NUDT4: variants seen among roughly 807,000 people sequenced by gnomAD.
The protein encoded by NUDT4 is diphosphoinositol polyphosphate phosphohydrolase 2.
Under a neutral mutation model 23.1 loss-of-function variants are expected in NUDT4, and 5 were observed. The ratio of observed to expected loss-of-function variants is 0.22; its 90% CI spans 0.11 to 0.46. The LOEUF is 0.46. Among genes scored for constraint, NUDT4 ranks in the 20% least tolerant of loss-of-function variants. The pLI is 0.99. For missense variants in NUDT4, 96 were observed against 211.6 expected, an observed-to-expected ratio of 0.45 and a Z score of 3.39; for synonymous variants, 50 against 79.0, an observed-to-expected ratio of 0.63 and a Z score of 1.95.
intron 1 of NUDT4, among the ~76,000 whole-genome samples, chr12:93,392,670 T>C (rs991321595): frequency 9.1e-6 from 1 of 109,728 alleles, no homozygotes; most frequent in African/African-American, 3.7e-5. Flanking sequence ...TTCAGTCTTT[T>C]TTTTTTTTTT....
rs1282595481 is a variant in NUDT4, at chr12:93,398,611, A to AT, written c.256-160_256-159insT. On this transcript the variant is annotated intron_variant, in intron 3 of 4. Coordinates refer to ENST00000415493, the MANE Select transcript of NUDT4 (RefSeq NM_019094.6). ...CTTTTAAATGTTTTGTCTTATATAAAGTCACTTTTGTGTTGGACTGTACAA... is the reference window on the plus strand; with the variant it reads ...CTTTTAAATGTTTTGTCTTATATAAATGTCACTTTTGTGTTGGACTGTACAA... Among the ~76,000 whole-genome samples the AT allele has an allele frequency of 3.3e-5, 5 of 152,360 alleles. No individual in the cohort carries two copies. In the East Asian group the frequency reaches 9.6e-4, roughly 29 times the overall value.
At position 93,403,318 on chromosome 12, in the gene NUDT4, CTTT is replaced by C. The variant is rs905417565; in HGVS notation, c.*3943_*3945del. ...GTGATTTATCTTGGTGTAGTTTTGGCTTTTTTGTTTGTTTTTTTGAGACAGCAT... is the reference window on the plus strand; with the variant it reads ...GTGATTTATCTTGGTGTAGTTTTGGCTTTGTTTGTTTTTTTGAGACAGCAT... On this transcript the variant is annotated 3_prime_UTR_variant, in exon 5 of 5. Transcript: ENST00000415493. 6.6e-6 allele frequency: 1 copy of C among 151,936 alleles called. No individual in the cohort carries two copies. Among genetic ancestry groups the C allele is most frequent in the Non-Finnish European group, 1.5e-5 (1 of 67,970 alleles). The allele number at this position is 151,936 out of a possible 1,614,324, so 9.4% of individuals were successfully genotyped here. A position where few individuals can be genotyped will look rare whatever the true frequency, so the allele number is the denominator to read the frequency against.
intron 1 of NUDT4, chr12:93,378,864 G>A: frequency 1.2e-6 from 1 of 844,348 alleles, no homozygotes; most frequent in South Asian, 5.4e-5. Context: ...TGCGGTCTCG[G>A]ATTCGATCTA....
rs1167725990 is a variant in NUDT4, at chr12:93,402,254, T to TATTTTC, written c.*2875_*2876insATTTTC. On this transcript the variant is annotated 3_prime_UTR_variant, in exon 5 of 5. Coordinates refer to ENST00000415493, the MANE Select transcript of NUDT4 (RefSeq NM_019094.6). Reference sequence around the variant, plus strand: ...CCTGACTTTTTTATATTTGGAAACATCAAATAAAAATGGAAAAAATGATCA... The same window carrying TATTTTC: ...CCTGACTTTTTTATATTTGGAAACATATTTTCCAAATAAAAATGGAAAAAATGATCA... The TATTTTC allele has an allele frequency of 1.3e-5, 2 of 151,416 alleles. No individual in the cohort carries two copies. The highest frequency in any genetic ancestry group is 2.9e-5 in the Non-Finnish European group (2 of 67,828). The allele number at this position is 151,416 out of a possible 1,614,324, so 9.4% of individuals were successfully genotyped here.
At chr12:93,378,859 T>A (rs1221398564) in intron 1 of NUDT4, 5 of 886,070 alleles carry the variant, frequency 5.6e-6, no homozygotes, top group Non-Finnish European at 4.1e-6. Flanking sequence ...CCGTTTGCGG[T>A]CTCGGATTCG....
rs1291163268 is a variant in NUDT4 at position 93,401,167 on chromosome 12, CT to C, written c.*1792del. On this transcript the variant is annotated 3_prime_UTR_variant, in exon 5 of 5. Coordinates refer to ENST00000415493, the MANE Select transcript of NUDT4 (RefSeq NM_019094.6). ...CAAAGGAATGAGTAAAGCAGAAAAACTTTTAACCAGCAACATTTCAAGTACG... is the reference window on the plus strand; with the variant it reads ...CAAAGGAATGAGTAAAGCAGAAAAACTTTAACCAGCAACATTTCAAGTACG... 1.3e-5 allele frequency: 2 copies of C among 152,086 alleles called. No individual in the cohort carries two copies. The highest frequency in any genetic ancestry group is 2.9e-5 in the Non-Finnish European group (2 of 68,000). The allele number at this position is 152,086 out of a possible 1,614,324, so 9.4% of individuals were successfully genotyped here. A position where few individuals can be genotyped will look rare whatever the true frequency, so the allele number is the denominator to read the frequency against.
At chr12:93,392,243 T>TTCCCC (rs1491364107) in intron 1 of NUDT4, among the ~76,000 whole-genome samples, 4 of 118,386 alleles carry the variant, frequency 3.4e-5, no homozygotes, top group African/African-American at 9.5e-5. Context: ...TTCCTTTGTT[T>TTCCCC]CCCCCCCCCC....
At chr12:93,391,829 G>A (rs1876530203) in intron 1 of NUDT4, among the ~76,000 whole-genome samples, 1 of 152,110 alleles carries the variant, frequency 6.6e-6, no homozygotes, top group Non-Finnish European at 1.5e-5. Flanking sequence ...TTTACTTGAA[G>A]GTAGTATACT....
At chr12:93,394,224 G>T (rs900443109) in intron 1 of NUDT4, among the ~76,000 whole-genome samples, 3 of 152,072 alleles carry the variant, frequency 2.0e-5, no homozygotes, top group Non-Finnish European at 4.4e-5. Context: ...GGATGATCTC[G>T]ATCTCCTGAC....
At chr12:93,387,771 T>A (rs1876214974) in intron 1 of NUDT4, among the ~76,000 whole-genome samples, 1 of 152,176 alleles carries the variant, frequency 6.6e-6, no homozygotes, top group Non-Finnish European at 1.5e-5. Flanking sequence ...CTAGTTGGCC[T>A]TAAGTTAAAA....
rs778416326 is a variant in NUDT4 at position 93,403,328 on chromosome 12, T to C, written c.*3949T>C. 6.6e-6 allele frequency: 1 copy of C among 152,202 alleles called. No individual in the cohort carries two copies. Among genetic ancestry groups the C allele is most frequent in the Non-Finnish European group, 1.5e-5 (1 of 68,064 alleles). The allele number at this position is 152,202 out of a possible 1,614,324, so 9.4% of individuals were successfully genotyped here. On this transcript the variant is annotated 3_prime_UTR_variant, in exon 5 of 5. Coordinates refer to ENST00000415493, the MANE Select transcript of NUDT4 (RefSeq NM_019094.6). ...TTGGTGTAGTTTTGGCTTTTTTGTT[T>C]GTTTTTTTGAGACAGCATCTCACAC... is the stretch of plus-strand genomic sequence containing the variant.
At position 93,389,548 on chromosome 12, in the gene NUDT4, C is replaced by T. The variant is rs553423230; in HGVS notation, c.100-5061C>T. ...GTTGAGACACAAGGGTTCCATATTA[C>T]TCATTTTTGGAAGAAAAGTTTAGTC... On this transcript the variant is annotated intron_variant, in intron 1 of 4. Transcript: ENST00000415493. Among the ~76,000 whole-genome samples, 22 of 152,232 alleles carry T rather than the reference C, an allele frequency of 1.4e-4. No individual in the cohort carries two copies. The East Asian group carries it at 1.5e-3, about 11-fold the overall frequency.
chr12:93,402,267 GAA>G lies in NUDT4; in HGVS notation c.*2893_*2894del, dbSNP rs1419611904. On this transcript the variant is annotated 3_prime_UTR_variant, in exon 5 of 5. Transcript: ENST00000415493. ...TATTTGGAAACATCAAATAAAAATG[GAA>G]AAAATGATCATGGCTTTAAAAAAAA... is the stretch of plus-strand genomic sequence containing the variant. The G allele has an allele frequency of 2.0e-5, 3 of 151,456 alleles. No homozygotes were observed. Among genetic ancestry groups the G allele is most frequent in the Admixed American group, 6.6e-5 (1 of 15,234 alleles). The allele number at this position is 151,456 out of a possible 1,614,324, so 9.4% of individuals were successfully genotyped here.
intron 3 of NUDT4, among the ~76,000 whole-genome samples, chr12:93,396,046 G>A (rs913920123): frequency 2.6e-5 from 4 of 152,146 alleles, no homozygotes; most frequent in African/African-American, 9.7e-5. Flanking sequence ...GCATTATTAT[G>A]GTAGTGATTA....
chr12:93,379,162 C>T (rs933843738), intron 1 of NUDT4, among the ~76,000 whole-genome samples: 32 of 152,184 alleles, frequency 2.1e-4, no homozygotes, highest in Non-Finnish European at 1.6e-4. Context: ...GGCTTGACAT[C>T]TGGAAAGGAG....
At chr12:93,383,763 C>T (rs1875862661) in intron 1 of NUDT4, among the ~76,000 whole-genome samples, 2 of 152,146 alleles carry the variant, frequency 1.3e-5, no homozygotes, top group Admixed American at 1.3e-4. Flanking sequence ...ACCCAGGAGG[C>T]GGGGCTTTCA....
rs142432192 is a variant in NUDT4 at position 93,396,287 on chromosome 12, G to C, written c.255+754G>C. ...ATATAAATCTCAGGTACATAGAACAGATGCTAAAAGAATAGAATTCTCTTT... is the reference window on the plus strand; with the variant it reads ...ATATAAATCTCAGGTACATAGAACACATGCTAAAAGAATAGAATTCTCTTT... On this transcript the variant is annotated intron_variant, in intron 3 of 4. Transcript: ENST00000415493. Among the ~76,000 whole-genome samples the C allele has an allele frequency of 5.2e-3, 794 of 152,262 alleles. 3 individuals are homozygous for C. The highest frequency in any genetic ancestry group is 7.7e-3 in the Non-Finnish European group (521 of 68,016).
chr12:93,382,123 G>A (rs1875702682), intron 1 of NUDT4, among the ~76,000 whole-genome samples: 1 of 152,114 alleles, frequency 6.6e-6, no homozygotes, highest in Non-Finnish European at 1.5e-5. Flanking sequence ...AAGCAGCCGG[G>A]CGTGGTGGCA....
Position 93,403,278 on chromosome 12 carries a change from G to C in NUDT4, c.*3899G>C, listed in dbSNP as rs1352743821. The C allele has an allele frequency of 1.3e-5, 2 of 152,114 alleles. No homozygotes were observed. The highest frequency in any genetic ancestry group is 3.9e-4 in the East Asian group (2 of 5,190). 9.4% of individuals were successfully genotyped at this position (152,114 alleles called of 1,614,324 possible). ...CTAATCTCAAAGAGCTTATATTCTAGTGGGGTAGAGATAAGTGATTTATCT... is the reference window on the plus strand; with the variant it reads ...CTAATCTCAAAGAGCTTATATTCTACTGGGGTAGAGATAAGTGATTTATCT... On this transcript the variant is annotated 3_prime_UTR_variant, in exon 5 of 5. Coordinates refer to ENST00000415493, the MANE Select transcript of NUDT4 (RefSeq NM_019094.6).
Sources: gnomAD v4.1 joint callset for allele counts (sites outside exome capture counted in the v4.1 genomes callset) on GRCh38, gnomAD v4.1.1 for gene constraint, MANE v1.5 for transcripts, NCBI Gene and HGNC (gene_info 2026-07-23, HGNC 2026-07-21) for gene names.